The following DGKI variants were observed in gnomAD, a reference collection of about 807,000 sequenced individuals.
The protein encoded by DGKI is DAG kinase iota.
DGKI carries 55 observed loss-of-function variants against 147.5 expected under a neutral mutation model. That is an observed-to-expected ratio of 0.37 (90% CI 0.30 to 0.47). The LOEUF (loss-of-function observed/expected upper bound fraction) is 0.47. Ranked by LOEUF, DGKI falls within the 20% of genes least tolerant of loss-of-function variation. The pLI is 1.00. For synonymous variants in DGKI, 469 were observed against 477.1 expected (o/e 0.98, Z 0.22); for missense variants, 1,007 against 1,323.8 (o/e 0.76, Z 3.71).
chr7:137,824,756 A>G (rs900060575), intron 1 of DGKI, among the ~76,000 whole-genome samples: 1 of 151,872 alleles, frequency 6.6e-6, no homozygotes, highest in African/African-American at 2.4e-5. Flanking sequence ...TTCCCTCTGT[A>G]TGTCCATGTG....
At chr7:137,825,331 C>A (rs979414400) in intron 1 of DGKI, among the ~76,000 whole-genome samples, 2 of 152,066 alleles carry the variant, frequency 1.3e-5, no homozygotes, top group African/African-American at 2.4e-5. Context: ...AATTTCATTA[C>A]CCTAAGAAGT....
intron 29 of DGKI, among the ~76,000 whole-genome samples, chr7:137,411,349 C>T (rs1172806113): frequency 7.0e-6 from 1 of 143,714 alleles, no homozygotes; most frequent in East Asian, 2.0e-4. Flanking sequence ...TTTGTATTTC[C>T]ACCATGTTTA....
intron 20 of DGKI, among the ~76,000 whole-genome samples, chr7:137,529,933 G>C (rs1817283477): frequency 6.6e-6 from 1 of 152,156 alleles, no homozygotes; most frequent in African/African-American, 2.4e-5. Flanking sequence ...ATTTTAACTA[G>C]AGATGGGGTT....
chr7:137,536,437 C>T (rs988327072), intron 20 of DGKI, among the ~76,000 whole-genome samples: 1 of 152,116 alleles, frequency 6.6e-6, no homozygotes, highest in Non-Finnish European at 1.5e-5. Context: ...ATGAACTATG[C>T]TTACCAATGA....
chr7:137,807,869 C>T (rs895461957), intron 1 of DGKI, among the ~76,000 whole-genome samples: 1 of 152,186 alleles, frequency 6.6e-6, no homozygotes, highest in African/African-American at 2.4e-5. Flanking sequence ...TGCCTGTCCC[C>T]TTGACCATGT....
At chr7:137,541,606 T>C (rs1817706480) in intron 20 of DGKI, among the ~76,000 whole-genome samples, 1 of 152,154 alleles carries the variant, frequency 6.6e-6, no homozygotes, top group African/African-American at 2.4e-5. Flanking sequence ...AGGGATGACT[T>C]TTTGTATATC....
intron 1 of DGKI, among the ~76,000 whole-genome samples, chr7:137,708,082 C>T (rs1243893069): frequency 6.6e-6 from 1 of 152,214 alleles, no homozygotes; most frequent in East Asian, 1.9e-4. Context: ...TAAACCCCAA[C>T]TTGTGGCCTA....
intron 21 of DGKI, among the ~76,000 whole-genome samples, chr7:137,497,421 C>A (rs1816008346): frequency 6.6e-6 from 1 of 152,004 alleles, no homozygotes; most frequent in Non-Finnish European, 1.5e-5. Context: ...AGCACTTGAC[C>A]CAGCAATCTC....
intron 8 of DGKI, among the ~76,000 whole-genome samples, chr7:137,619,013 C>T (rs1820647886): frequency 6.6e-6 from 1 of 152,158 alleles, no homozygotes; most frequent in African/African-American, 2.4e-5. Context: ...CTGGAGACCA[C>T]AGGAAGTAGG....
At chr7:137,705,619 A>G (rs2116533741) in intron 1 of DGKI, among the ~76,000 whole-genome samples, 1 of 152,284 alleles carries the variant, frequency 6.6e-6, no homozygotes, top group East Asian at 1.9e-4. Flanking sequence ...GGAGTGATGC[A>G]AATGTTTGAT....
At chr7:137,522,788 A>G (rs79024002) in intron 20 of DGKI, among the ~76,000 whole-genome samples, 4,880 of 152,208 alleles carry the variant, frequency 0.032, 219 homozygotes, top group East Asian at 0.11. Context: ...TGAGTGGAAT[A>G]ATTTGGTTTT....
Position 137,569,078 on chromosome 7 carries a change from G to A in DGKI, c.1947+2097C>T, listed in dbSNP as rs184972403. 3.3e-5 allele frequency among the ~76,000 whole-genome samples: 5 copies of A among 152,180 alleles called. No homozygotes were observed. The East Asian group carries it at 5.8e-4, about 18-fold the overall frequency. On this transcript the variant is annotated intron_variant, in intron 19 of 32. Transcript: ENST00000614521. ...GGTACAAAAGAAGCAAGGGAGAGCC[G>A]ATGCTGTGCTTCACTTGTCAGCTGC...
chr7:137,492,006 G>A (rs544504480), intron 21 of DGKI, among the ~76,000 whole-genome samples: 106 of 152,312 alleles, frequency 7.0e-4, no homozygotes, highest in African/African-American at 2.5e-3. Flanking sequence ...ATCCCATGAA[G>A]CAGGGCAAAG....
chr7:137,574,437 A>C (rs1278482073), intron 17 of DGKI, among the ~76,000 whole-genome samples: 1 of 152,184 alleles, frequency 6.6e-6, no homozygotes, highest in East Asian at 1.9e-4. Context: ...AAAACCTAGG[A>C]TGTGATATAT....
chr7:137,843,526 A>G, intron 1 of DGKI: 1 of 580,442 alleles, frequency 1.7e-6, no homozygotes, highest in Non-Finnish European at 2.2e-6. Context: ...CACAGAATAG[A>G]TAATGAGGGG....
In DGKI at chr7:137,816,445, T is replaced by C. The variant is rs561514719; in HGVS notation, c.401+30017A>G. ...CAGGGCCTAGTATCAATGGTAAAAA[T>C]GAATGTTAACTACTGTGATTATTCC... On this transcript the variant is annotated intron_variant, in intron 1 of 32. Coordinates refer to ENST00000614521, the MANE Select transcript of DGKI (RefSeq NM_001321708.2). Among the ~76,000 whole-genome samples, 8 of 152,314 alleles carry C rather than the reference T, an allele frequency of 5.3e-5. No individual in the cohort carries two copies. In the South Asian group the frequency reaches 1.7e-3, roughly 32 times the overall value.
intron 6 of DGKI, among the ~76,000 whole-genome samples, chr7:137,624,178 C>T (rs948184774): frequency 6.6e-6 from 1 of 152,212 alleles, no homozygotes; most frequent in African/African-American, 2.4e-5. Flanking sequence ...AAGGAACAAA[C>T]TGAATTACTT....
At chr7:137,657,658 G>A (rs1003870774) in intron 3 of DGKI, among the ~76,000 whole-genome samples, 4 of 152,206 alleles carry the variant, frequency 2.6e-5, no homozygotes, top group Non-Finnish European at 4.4e-5. Flanking sequence ...AAGCATCCAA[G>A]TGTGAAAGGT....
intron 23 of DGKI, among the ~76,000 whole-genome samples, chr7:137,481,644 A>G (rs1287714411): frequency 1.3e-5 from 2 of 152,098 alleles, no homozygotes; most frequent in Non-Finnish European, 2.9e-5. Context: ...TTTGAGCTTC[A>G]GTGCTTTGTT....
Sources: gnomAD v4.1 joint callset for allele counts (sites outside exome capture counted in the v4.1 genomes callset) on GRCh38, gnomAD v4.1.1 for gene constraint, MANE v1.5 for transcripts, NCBI Gene and HGNC (gene_info 2026-07-23, HGNC 2026-07-21) for gene names.